Variants in EPN2 observed in about 807,000 individuals in gnomAD.
EPN2 encodes epsin 2.
Under a neutral mutation model 61.7 loss-of-function variants are expected in EPN2, and 34 were observed. The ratio of observed to expected loss-of-function variants is 0.55; its 90% CI spans 0.42 to 0.73. The LOEUF (loss-of-function observed/expected upper bound fraction) is 0.73, where lower values mean the gene tolerates loss of function less well. Among genes scored for constraint, EPN2 ranks in the 30% least tolerant of loss-of-function variants. The probability of loss-of-function intolerance (pLI) is 0.00; values close to 1 mark genes in which losing one functional copy is unlikely to be tolerated. For missense variants in EPN2, 714 were observed against 839.2 expected, an observed-to-expected ratio of 0.85 and a Z score of 1.84; for synonymous variants, 349 against 353.6, an observed-to-expected ratio of 0.99 and a Z score of 0.15.
chr17:19,294,824 G>A (rs770363314), intron 4 of EPN2, among the ~76,000 whole-genome samples: 2 of 152,244 alleles, frequency 1.3e-5, no homozygotes, highest in East Asian at 3.9e-4. Context: ...GCATTGTACT[G>A]GGGGCTGCTG....
chr17:19,306,696 C>A (rs1000597019), intron 4 of EPN2, among the ~76,000 whole-genome samples: 5 of 152,220 alleles, frequency 3.3e-5, no homozygotes, highest in Non-Finnish European at 5.9e-5. Context: ...TGCCCACTCT[C>A]CCCCTCCAAC....
intron 1 of EPN2, among the ~76,000 whole-genome samples, chr17:19,240,463 C>G (rs1242570428): frequency 6.6e-6 from 1 of 152,178 alleles, no homozygotes; most frequent in African/African-American, 2.4e-5. Context: ...CCAGGCTGAT[C>G]TCGAACTCCT....
chr17:19,290,962 C>T (rs1282789538), intron 4 of EPN2, among the ~76,000 whole-genome samples: 1 of 152,170 alleles, frequency 6.6e-6, no homozygotes, highest in Admixed American at 6.5e-5. Context: ...GACAGGGATT[C>T]CTTTGGGCTA....
At chr17:19,275,271 C>G (rs1238124969) in intron 1 of EPN2, among the ~76,000 whole-genome samples, 1 of 152,226 alleles carries the variant, frequency 6.6e-6, no homozygotes, top group South Asian at 2.1e-4. Flanking sequence ...TGCCTTTCTA[C>G]CTCTGGTTCT....
intron 7 of EPN2, among the ~76,000 whole-genome samples, chr17:19,322,485 G>A (rs147564900): frequency 2.7e-4 from 41 of 152,084 alleles, no homozygotes; most frequent in African/African-American, 9.2e-4. Context: ...GTCTCCTTGC[G>A]CCTGGCCAAT....
intron 1 of EPN2, among the ~76,000 whole-genome samples, chr17:19,257,016 T>C (rs547965984): frequency 6.6e-6 from 1 of 152,356 alleles, no homozygotes; most frequent in East Asian, 1.9e-4. Context: ...ACTTTCTTGA[T>C]TTAAAAGAAT....
chr17:19,277,501 G>C (rs889048585), intron 1 of EPN2, among the ~76,000 whole-genome samples: 2 of 151,996 alleles, frequency 1.3e-5, no homozygotes, highest in African/African-American at 4.8e-5. Flanking sequence ...ACTCATGGCA[G>C]ATGTTTGCTG....
At chr17:19,301,891 G>T (rs1175641278) in intron 4 of EPN2, among the ~76,000 whole-genome samples, 3 of 152,254 alleles carry the variant, frequency 2.0e-5, no homozygotes, top group African/African-American at 7.2e-5. Context: ...AGGAGGCCCT[G>T]CTTGGTGTGG....
At chr17:19,264,320 T>C (rs567932721) in intron 1 of EPN2, among the ~76,000 whole-genome samples, 1 of 152,318 alleles carries the variant, frequency 6.6e-6, no homozygotes, top group South Asian at 2.1e-4. Flanking sequence ...ACTAAAAAAT[T>C]CCCCTCCTGT....
intron 7 of EPN2, among the ~76,000 whole-genome samples, chr17:19,314,097 C>T (rs547389151): frequency 1.3e-5 from 2 of 152,222 alleles, no homozygotes; most frequent in African/African-American, 4.8e-5. Context: ...AACTCGGTTC[C>T]CTAGATGTTT....
At chr17:19,243,220 C>CT (rs71155386) in intron 1 of EPN2, among the ~76,000 whole-genome samples, 114,588 of 127,122 alleles carry the variant, frequency 0.9, 52,851 homozygotes, top group East Asian at 0.99. Flanking sequence ...GAGAATGTGT[C>CT]TTTTTTTTTT....
At chr17:19,275,997 G>A (rs1267184243) in intron 1 of EPN2, among the ~76,000 whole-genome samples, 1 of 152,182 alleles carries the variant, frequency 6.6e-6, no homozygotes, top group African/African-American at 2.4e-5. Flanking sequence ...TATTGACACT[G>A]TGTGGTTAAC....
At chr17:19,278,022 C>A (rs142015017) in intron 1 of EPN2, among the ~76,000 whole-genome samples, 1 of 142,908 alleles carries the variant, frequency 7.0e-6, no homozygotes, top group Admixed American at 7.3e-5. Context: ...TGCAGTGAGC[C>A]GAGATCACAC....
chr17:19,308,535 G>A (rs923362286), intron 4 of EPN2: 23 of 985,444 alleles, frequency 2.3e-5, no homozygotes, highest in Non-Finnish European at 2.8e-5. Flanking sequence ...GTGCAGAGGT[G>A]CAGAGTCTGA....
chr17:19,293,134 GT>G (rs2045481000), intron 4 of EPN2, among the ~76,000 whole-genome samples: 1 of 151,962 alleles, frequency 6.6e-6, no homozygotes, highest in South Asian at 2.1e-4. Context: ...ATCCCAGCAT[GT>G]TGGGAGGTTG....
At position 19,331,940 on chromosome 17, in the gene EPN2, G is replaced by A; in HGVS notation, c.1499G>A (p.Ser500Asn). Residue 500 changes from serine to asparagine, a missense_variant, in exon 10 of 11, where the codon AGC becomes AAC. Ser to Asn is a conservative substitution (Grantham distance 46). Around this residue, in one of 2 missense-constraint regions of EPN2, gnomAD observed 410 missense variants for 421.8 expected, o/e 0.97. Transcript: ENST00000314728. ...FESQPLTVAS[S>N]KPSSARKTPE... The stretch of plus-strand genomic sequence containing the variant: ...TCTCAACCCCTGACTGTCGCCTCAA[G>A]CAAGCCCAGCAGTGCCCGGAAAACA... 6.2e-7 allele frequency: 1 copy of A among 1,614,144 alleles called. No homozygotes were observed. The highest frequency in any genetic ancestry group is 1.6e-4 in the Middle Eastern group (1 of 6,062).
intron 1 of EPN2, among the ~76,000 whole-genome samples, chr17:19,277,471 G>A (rs1032887506): frequency 1.3e-5 from 2 of 151,960 alleles, no homozygotes; most frequent in Non-Finnish European, 2.9e-5. Flanking sequence ...TTTGGAGCTT[G>A]GAGCTTGCTC....
chr17:19,249,910 T>C (rs1339857294), intron 1 of EPN2, among the ~76,000 whole-genome samples: 1 of 152,116 alleles, frequency 6.6e-6, no homozygotes, highest in East Asian at 1.9e-4. Flanking sequence ...AGGCCTTTTG[T>C]GTTCCTTGGC....
At chr17:19,295,487 G>A (rs999789962) in intron 4 of EPN2, among the ~76,000 whole-genome samples, 2 of 152,042 alleles carry the variant, frequency 1.3e-5, no homozygotes, top group Non-Finnish European at 2.9e-5. Context: ...AGCCGAGATC[G>A]TGCCATTAGA....
Sources: gnomAD v4.1 joint callset for allele counts (sites outside exome capture counted in the v4.1 genomes callset) on GRCh38, gnomAD v4.1.1 for gene constraint, gnomAD v4.1.1 regional missense constraint, MANE v1.5 for transcripts, NCBI Gene and HGNC (gene_info 2026-07-23, HGNC 2026-07-21) for gene names.